The following CCDC102B variants were observed in gnomAD, a reference collection of about 807,000 sequenced individuals.
The protein encoded by CCDC102B is coiled-coil domain-containing protein 102B.
A neutral mutation model predicts 57.4 loss-of-function variants in CCDC102B; 75 were observed. The observed-to-expected ratio is 1.31, with a 90% confidence interval of 1.08 to 1.58. CCDC102B has a LOEUF of 1.58. Among genes scored for constraint, CCDC102B ranks in the 40% most tolerant of loss-of-function variants. The pLI is 0.00. For synonymous variants in CCDC102B, 206 were observed against 201.9 expected (o/e 1.02, Z -0.17); for missense variants, 636 against 582.6 (o/e 1.09, Z -0.94).
intron 7 of CCDC102B, among the ~76,000 whole-genome samples, chr18:69,029,745 G>C (rs1418595268): frequency 1.3e-5 from 2 of 152,162 alleles, no homozygotes; most frequent in African/African-American, 4.8e-5. Flanking sequence ...AGGTAAAATT[G>C]TTTAAAGTTG....
chr18:68,793,728 A>C (rs1240370499), upstream of CCDC102B, among the ~76,000 whole-genome samples: 2 of 152,080 alleles, frequency 1.3e-5, no homozygotes, highest in Non-Finnish European at 2.9e-5. Flanking sequence ...TCATTAATTT[A>C]TTTGCTTTGT....
intron 1 of CCDC102B, among the ~76,000 whole-genome samples, chr18:68,799,990 C>T (rs2035788110): frequency 6.6e-6 from 1 of 152,072 alleles, no homozygotes; most frequent in Non-Finnish European, 1.5e-5. Flanking sequence ...CTCTTTTCAT[C>T]ATCTTTACCA....
intron 5 of CCDC102B, among the ~76,000 whole-genome samples, chr18:68,893,158 A>C (rs957211243): frequency 1.2e-4 from 19 of 152,210 alleles, no homozygotes; most frequent in Admixed American, 1.2e-3. Context: ...TTAGGAAATA[A>C]ATTTATGACT....
chr18:68,963,709 A>T (rs2050101119), intron 6 of CCDC102B, among the ~76,000 whole-genome samples: 1 of 151,878 alleles, frequency 6.6e-6, no homozygotes, highest in Non-Finnish European at 1.5e-5. Flanking sequence ...ACTTCTGATG[A>T]CACTGCAGGT....
intron 4 of CCDC102B, among the ~76,000 whole-genome samples, chr18:68,861,307 T>C (rs1451157103): frequency 6.7e-6 from 1 of 148,484 alleles, no homozygotes; most frequent in Non-Finnish European, 1.5e-5. Flanking sequence ...GTTTTTTTTT[T>C]CTCTGCACTA....
intron 2 of CCDC102B, among the ~76,000 whole-genome samples, chr18:68,767,694 T>C (rs1281212696): frequency 6.6e-6 from 1 of 152,196 alleles, no homozygotes; most frequent in Non-Finnish European, 1.5e-5. Flanking sequence ...TCATTATACA[T>C]ATTTTACAAA....
intron 6 of CCDC102B, among the ~76,000 whole-genome samples, chr18:68,989,587 G>A (rs1223333134): frequency 1.3e-5 from 2 of 152,118 alleles, no homozygotes; most frequent in Non-Finnish European, 2.9e-5. Context: ...ATCAATTATC[G>A]GATTCCATCC....
intron 2 of CCDC102B, among the ~76,000 whole-genome samples, chr18:68,758,662 GA>G (rs1397848712): frequency 1.3e-5 from 2 of 150,002 alleles, no homozygotes; most frequent in South Asian, 2.1e-4. Flanking sequence ...TCTGATAAGA[GA>G]AAAAAATCAT....
chr18:68,718,152 T>A (rs966555018), intron 2 of CCDC102B: 1 of 152,236 alleles, frequency 6.6e-6, no homozygotes, highest in African/African-American at 2.4e-5. Flanking sequence ...TCTGTATTTT[T>A]TTGTTATAGA....
intron 2 of CCDC102B, among the ~76,000 whole-genome samples, chr18:68,791,423 T>C (rs2144661502): frequency 6.6e-6 from 1 of 152,286 alleles, no homozygotes; most frequent in South Asian, 2.1e-4. Context: ...GGTGAAGCAT[T>C]TGTTCTTTCT....
At position 68,956,634 on chromosome 18, in the gene CCDC102B, C is replaced by T. The variant is rs1479183145; in HGVS notation, c.1264-54300C>T. On this transcript the variant is annotated intron_variant, in intron 6 of 7. Transcript: ENST00000360242. The stretch of plus-strand genomic sequence containing the variant: ...TAAAATATATAATATATATATCGCA[C>T]CATACATATAGCAGTGGGATTGCTG... Among the ~76,000 whole-genome samples the T allele has an allele frequency of 1.6e-4, 19 of 120,214 alleles. 1 individual carries two copies. Among genetic ancestry groups the T allele is most frequent in the African/African-American group, 6.2e-4 (19 of 30,688 alleles). The allele number at this position is 120,214 out of a possible 152,430, so 78.9% of individuals were successfully genotyped here.
At chr18:68,808,538 C>T (rs961842224) in intron 1 of CCDC102B, among the ~76,000 whole-genome samples, 1 of 134,352 alleles carries the variant, frequency 7.4e-6, no homozygotes, top group East Asian at 2.2e-4. Context: ...ACTGCAGTGG[C>T]GCTATCTCCG....
Position 68,836,814 on chromosome 18 carries a change from G to A in CCDC102B, c.51G>A (p.Gln17=). Residue 17 remains glutamine, a synonymous_variant, in exon 2 of 8, where the codon CAG becomes CAA. Transcript: ENST00000360242. ...TAATTGAGGAAACACAGATCTTCCA[G>A]ATGCAACAATCATCAATTAAGTCAC... ...HRLIEETQIF[Q]MQQSSIKSRG... is the part of the protein sequence containing the mutation. 6.2e-7 allele frequency: 1 copy of A among 1,613,838 alleles called. No individual in the cohort carries two copies. The highest frequency in any genetic ancestry group is 8.5e-7 in the Non-Finnish European group (1 of 1,179,880).
intron 2 of CCDC102B, among the ~76,000 whole-genome samples, chr18:68,765,633 C>A (rs2034446919): frequency 6.6e-6 from 1 of 152,052 alleles, no homozygotes; most frequent in African/African-American, 2.4e-5. Flanking sequence ...TTGCTTATAC[C>A]ATTATATACA....
intron 6 of CCDC102B, among the ~76,000 whole-genome samples, chr18:68,910,141 A>C (rs2145066948): frequency 6.6e-6 from 1 of 152,222 alleles, no homozygotes; most frequent in East Asian, 1.9e-4. Context: ...AAAAATATAA[A>C]AATTCACTGG....
chr18:68,833,931 G>A (rs141076342), intron 1 of CCDC102B, among the ~76,000 whole-genome samples: 82 of 152,144 alleles, frequency 5.4e-4, no homozygotes, highest in Non-Finnish European at 8.5e-4. Context: ...ACGTATCAGC[G>A]GCCCTGTCCT....
intron 6 of CCDC102B, among the ~76,000 whole-genome samples, chr18:68,933,093 C>G (rs1292113149): frequency 8.1e-6 from 1 of 124,084 alleles, no homozygotes; most frequent in South Asian, 2.6e-4. Context: ...TTATTTACTC[C>G]TCATAAAAAA....
chr18:68,923,595 C>A (rs2041365255), intron 6 of CCDC102B, among the ~76,000 whole-genome samples: 1 of 151,974 alleles, frequency 6.6e-6, no homozygotes, highest in African/African-American at 2.4e-5. Flanking sequence ...CACCTGAAAT[C>A]CTATGAGAAT....
At chr18:68,743,362 C>T (rs1453809887) in intron 2 of CCDC102B, among the ~76,000 whole-genome samples, 9 of 152,090 alleles carry the variant, frequency 5.9e-5, no homozygotes, top group African/African-American at 2.2e-4. Context: ...GAGCCAAGAT[C>T]GTGCCACTGC....
Sources: gnomAD v4.1 joint callset for allele counts (sites outside exome capture counted in the v4.1 genomes callset) on GRCh38, gnomAD v4.1.1 for gene constraint, MANE v1.5 for transcripts, NCBI Gene and HGNC (gene_info 2026-07-23, HGNC 2026-07-21) for gene names.